The following GIN1 variants were observed in gnomAD, a reference collection of about 807,000 sequenced individuals.
The protein encoded by GIN1 is gypsy retrotransposon integrase-like protein 1.
GIN1 carries 41 observed loss-of-function variants against 51.4 expected under a neutral mutation model. The observed-to-expected ratio is 0.80, with a 90% CI of 0.62 to 1.04. The LOEUF (loss-of-function observed/expected upper bound fraction) is 1.04. Ranked by LOEUF, GIN1 falls within the 50% of genes least tolerant of loss-of-function variation. The probability of loss-of-function intolerance (pLI) is 0.00; values close to 1 mark genes in which losing one functional copy is unlikely to be tolerated. For synonymous variants in GIN1, 222 were observed against 206.5 expected (o/e 1.07, Z -0.64); for missense variants, 610 against 612.4 (o/e 1.00, Z 0.04).
At position 103,113,795 on chromosome 5, in the gene GIN1, TACAGGTGTGAGCC is replaced by T. The variant is rs1228442074; in HGVS notation, c.-7-5094_-7-5082del. Reference sequence around the variant, plus strand: ...CCTTAGCCTCCCAAAGTGCTGGGCTTACAGGTGTGAGCCACCGCGCCCAGCCCCAAGGTCCAAC... The same window carrying T: ...CCTTAGCCTCCCAAAGTGCTGGGCTTACCGCGCCCAGCCCCAAGGTCCAAC... On this transcript the variant is annotated intron_variant, in intron 1 of 7. Coordinates refer to ENST00000399004, the MANE Select transcript of GIN1 (RefSeq NM_017676.2). Among the ~76,000 whole-genome samples, 7 of 152,172 alleles carry T rather than the reference TACAGGTGTGAGCC, an allele frequency of 4.6e-5. No homozygotes were observed. In the East Asian group the frequency reaches 1.4e-3, roughly 29 times the overall value.
At chr5:103,100,450 G>C (rs544802662) in intron 4 of GIN1, among the ~76,000 whole-genome samples, 70 of 151,848 alleles carry the variant, frequency 4.6e-4, no homozygotes, top group East Asian at 1.4e-3. Flanking sequence ...GGAATGCAGT[G>C]GTGCAACCAT....
chr5:103,088,132 A>G lies in GIN1; in HGVS notation c.1335T>C (p.His445=), dbSNP rs375341248. 1 of 1,607,318 alleles carries G rather than the reference A, an allele frequency of 6.2e-7. No homozygotes were observed. The highest frequency in any genetic ancestry group is 1.1e-5 in the South Asian group (1 of 90,396). Residue 445 remains histidine (H), a synonymous_variant, in exon 8 of 8, where the codon CAT becomes CAC. Coordinates refer to ENST00000399004, the MANE Select transcript of GIN1 (RefSeq NM_017676.2). ...YLLQGSVVAD[H]DYIGLPEIPI... is the part of the protein sequence containing the mutation. ...GAATTTCAGGCAATCCAATGTAGTCATGATCTGCCACTACTGAACCTTGCA... is the reference window on the plus strand; with the variant it reads ...GAATTTCAGGCAATCCAATGTAGTCGTGATCTGCCACTACTGAACCTTGCA...
At chr5:103,101,817 A>G (rs1200250079) in intron 4 of GIN1, among the ~76,000 whole-genome samples, 2 of 152,230 alleles carry the variant, frequency 1.3e-5, no homozygotes, top group South Asian at 2.1e-4. Flanking sequence ...TACATTATTA[A>G]TAAAGCTTCA....
intron 6 of GIN1, 134 bp downstream of exon 6, chr5:103,097,180 T>C (rs1000366570): frequency 1.6e-6 from 1 of 634,350 alleles, no homozygotes; most frequent in Non-Finnish European, 2.7e-6. Flanking sequence ...ACAAGAAAAA[T>C]CTGATAGATA....
intron 2 of GIN1, among the ~76,000 whole-genome samples, chr5:103,107,242 C>T (rs1787752886): frequency 6.6e-6 from 1 of 152,058 alleles, no homozygotes; most frequent in African/African-American, 2.4e-5. Flanking sequence ...ATTTTGCAGG[C>T]ACCTCCTAAA....
chr5:103,112,071 G>C (rs1408795559), intron 1 of GIN1, among the ~76,000 whole-genome samples: 1 of 152,034 alleles, frequency 6.6e-6, no homozygotes, highest in Non-Finnish European at 1.5e-5. Flanking sequence ...ATAGTACAAG[G>C]GACAAGGAGA....
intron 1 of GIN1, among the ~76,000 whole-genome samples, chr5:103,111,760 G>A (rs1201990390): frequency 6.6e-6 from 1 of 152,032 alleles, no homozygotes; most frequent in Non-Finnish European, 1.5e-5. Flanking sequence ...TCCGTATTTT[G>A]CTTTTATATT....
At chr5:103,103,838 G>C (rs1318546220) in intron 4 of GIN1, among the ~76,000 whole-genome samples, 3 of 152,090 alleles carry the variant, frequency 2.0e-5, no homozygotes, top group African/African-American at 7.2e-5. Flanking sequence ...TGCCCAGATT[G>C]AAGTGCAGTG....
chr5:103,114,529 T>C (rs1787973332), intron 1 of GIN1, among the ~76,000 whole-genome samples: 1 of 152,100 alleles, frequency 6.6e-6, no homozygotes, highest in African/African-American at 2.4e-5. Context: ...AAAAAGTAGG[T>C]GAAGTTAAGG....
intron 7 of GIN1, among the ~76,000 whole-genome samples, chr5:103,093,703 A>G (rs1037617792): frequency 6.6e-6 from 1 of 152,246 alleles, no homozygotes; most frequent in African/African-American, 2.4e-5. Flanking sequence ...AATCTATCAC[A>G]AACAAAATAA....
intron 4 of GIN1, among the ~76,000 whole-genome samples, chr5:103,099,492 A>G (rs1462138667): frequency 2.0e-5 from 3 of 152,158 alleles, no homozygotes; most frequent in East Asian, 3.8e-4. Context: ...TCAAAATTAG[A>G]AAGAAATCCC....
At chr5:103,090,238 G>A (rs113117086) in intron 7 of GIN1, among the ~76,000 whole-genome samples, 4 of 152,282 alleles carry the variant, frequency 2.6e-5, no homozygotes, top group African/African-American at 4.8e-5. Context: ...GCAGTAAGGC[G>A]AGATCGCACC....
chr5:103,104,079 G>A (rs1233385757), intron 4 of GIN1, among the ~76,000 whole-genome samples: 3 of 151,984 alleles, frequency 2.0e-5, no homozygotes, highest in East Asian at 3.9e-4. Context: ...ACAGCCTCCC[G>A]AGTAGCTGTG....
chr5:103,093,675 T>C (rs1238964705), intron 7 of GIN1, among the ~76,000 whole-genome samples: 1 of 152,200 alleles, frequency 6.6e-6, no homozygotes, highest in Admixed American at 6.5e-5. Flanking sequence ...GGCTAAAACC[T>C]TGGGTGAGGC....
intron 4 of GIN1, among the ~76,000 whole-genome samples, chr5:103,098,165 GC>G (rs1347611589): frequency 6.6e-6 from 1 of 152,134 alleles, no homozygotes; most frequent in Non-Finnish European, 1.5e-5. Flanking sequence ...ACAGGCATGA[GC>G]CACTGCGCCT....
intron 1 of GIN1, among the ~76,000 whole-genome samples, chr5:103,117,722 G>A (rs139003887): frequency 1.3e-5 from 2 of 152,158 alleles, no homozygotes; most frequent in East Asian, 3.9e-4. Flanking sequence ...AAATAGTTAT[G>A]CAGTATTTTA....
At chr5:103,110,909 G>C (rs556972374) in intron 1 of GIN1, among the ~76,000 whole-genome samples, 65 of 152,202 alleles carry the variant, frequency 4.3e-4, no homozygotes, top group African/African-American at 1.5e-3. Context: ...TGTCGCTCCA[G>C]GTCAGTGCTT....
intron 1 of GIN1, among the ~76,000 whole-genome samples, chr5:103,112,697 A>C (rs1787920559): frequency 6.6e-6 from 1 of 152,184 alleles, no homozygotes; most frequent in Non-Finnish European, 1.5e-5. Flanking sequence ...ATGATCTCTG[A>C]ATCTAAAGTG....
Position 103,104,565 on chromosome 5 carries a change from G to A in GIN1, c.615C>T (p.Asp205=). The part of the protein sequence containing the change: ...LYGPPQKIIM[D]QRDEFIQQIN... ...CCTGTTGAATGAATTCATCTCTTTG[G>A]TCCATTATTATTTTCTGAGGAGGTC... is the stretch of plus-strand genomic sequence containing the variant. Residue 205 remains aspartate, a synonymous_variant, in exon 4 of 8, where the codon GAC becomes GAT. Coordinates refer to ENST00000399004, the MANE Select transcript of GIN1 (RefSeq NM_017676.2). 6.5e-7 allele frequency: 1 copy of A among 1,529,044 alleles called. No individual in the cohort carries two copies. Among genetic ancestry groups the A allele is most frequent in the Non-Finnish European group, 9.0e-7 (1 of 1,105,802 alleles). 94.7% of individuals were successfully genotyped at this position (1,529,044 alleles called of 1,614,324 possible).
Sources: gnomAD v4.1 joint callset for allele counts (sites outside exome capture counted in the v4.1 genomes callset) on GRCh38, gnomAD v4.1.1 for gene constraint, MANE v1.5 for transcripts, NCBI Gene and HGNC (gene_info 2026-07-23, HGNC 2026-07-21) for gene names.